Variants in CLDN10 observed in about 807,000 individuals in gnomAD.
CLDN10 encodes the protein claudin-10.
In CLDN10, 15 loss-of-function variants were observed where a neutral mutation model predicts 22.9. The ratio of observed to expected loss-of-function variants is 0.65; its 90% CI spans 0.44 to 1.01. The LOEUF is 1.01. CLDN10 is among the 50% of genes least tolerant of loss of function. The pLI is 0.00. For synonymous variants in CLDN10, 114 were observed against 111.4 expected, an observed-to-expected ratio of 1.02 and a Z score of -0.15; for missense variants, 247 against 287.8, an observed-to-expected ratio of 0.86 and a Z score of 1.03.
intron 1 of CLDN10, among the ~76,000 whole-genome samples, chr13:95,523,987 T>G (rs1379879358): frequency 6.6e-6 from 1 of 152,194 alleles, no homozygotes; most frequent in African/African-American, 2.4e-5. Flanking sequence ...AGAATTCTAA[T>G]TTCATTTAAC....
At chr13:95,471,453 A>ATATATATATTTTT (rs776857009) in intron 1 of CLDN10, among the ~76,000 whole-genome samples, 11 of 106,388 alleles carry the variant, frequency 1.0e-4, no homozygotes, top group African/African-American at 4.4e-4. Flanking sequence ...ATATATATAT[A>ATATATATATTTTT]TTTTTTTTTT....
chr13:95,471,308 G>T (rs1594541363), intron 1 of CLDN10, among the ~76,000 whole-genome samples: 1 of 151,606 alleles, frequency 6.6e-6, no homozygotes, highest in South Asian at 2.1e-4. Flanking sequence ...GCTTGTCACA[G>T]AACTCCAAGA....
At chr13:95,443,402 A>C (rs1890371) in intron 1 of CLDN10, among the ~76,000 whole-genome samples, 1,590 of 152,262 alleles carry the variant, frequency 0.01, 36 homozygotes, top group African/African-American at 0.036. Context: ...TGAACTGGGG[A>C]TTTGTTTTAA....
At chr13:95,550,912 A>G (rs1231673342), upstream of CLDN10, among the ~76,000 whole-genome samples, 2 of 139,918 alleles carry the variant, frequency 1.4e-5, no homozygotes, top group African/African-American at 5.4e-5. Flanking sequence ...TGACTTCATG[A>G]TCCGCCCGCC....
In CLDN10 at chr13:95,579,482, C is replaced by T. The variant is rs2043984823; in HGVS notation, c.*1468C>T. Reference sequence around the variant, plus strand: ...CAGAAAAAGAAATGAAAACAGAGAGCTTAAATAATTTGCCACAGTAATGTC... The same window carrying T: ...CAGAAAAAGAAATGAAAACAGAGAGTTTAAATAATTTGCCACAGTAATGTC... On this transcript the variant is annotated 3_prime_UTR_variant, in exon 5 of 5. Coordinates refer to ENST00000299339, the MANE Select transcript of CLDN10 (RefSeq NM_006984.5). 1 of 152,166 alleles carries T rather than the reference C, an allele frequency of 6.6e-6. No homozygotes were observed. The highest frequency in any genetic ancestry group is 1.5e-5 in the Non-Finnish European group (1 of 68,038). 9.4% of individuals were successfully genotyped at this position (152,166 alleles called of 1,614,324 possible).
At chr13:95,557,266 A>G (rs879866474) in intron 1 of CLDN10, among the ~76,000 whole-genome samples, 3 of 152,204 alleles carry the variant, frequency 2.0e-5, no homozygotes, top group Non-Finnish European at 4.4e-5. Flanking sequence ...GGCCTCCTTG[A>G]CTAGGTTTTT....
intron 1 of CLDN10, among the ~76,000 whole-genome samples, chr13:95,450,438 T>C (rs1455370091): frequency 2.0e-5 from 3 of 152,210 alleles, no homozygotes; most frequent in Non-Finnish European, 4.4e-5. Flanking sequence ...CTCGTGTTGC[T>C]CTGAGATGTC....
chr13:95,511,308 T>C (rs939659075), intron 1 of CLDN10, among the ~76,000 whole-genome samples: 3 of 152,080 alleles, frequency 2.0e-5, no homozygotes, highest in Middle Eastern at 3.4e-3. Context: ...GCAAAACCTA[T>C]GATAGAATGG....
chr13:95,449,025 C>T (rs887333853), intron 1 of CLDN10, among the ~76,000 whole-genome samples: 1 of 152,018 alleles, frequency 6.6e-6, no homozygotes, highest in African/African-American at 2.4e-5. Flanking sequence ...AGGCATGAAC[C>T]ACCGTGCCCC....
chr13:95,468,853 T>A (rs981511146), intron 1 of CLDN10, among the ~76,000 whole-genome samples: 2 of 152,194 alleles, frequency 1.3e-5, no homozygotes, highest in African/African-American at 4.8e-5. Flanking sequence ...AAACACATCA[T>A]GTGTTCTTAT....
intron 1 of CLDN10, among the ~76,000 whole-genome samples, chr13:95,470,395 G>C (rs183350952): frequency 6.6e-6 from 1 of 152,108 alleles, no homozygotes; most frequent in East Asian, 1.9e-4. Flanking sequence ...CCATAGGTGC[G>C]CACCATCATG....
intron 1 of CLDN10, among the ~76,000 whole-genome samples, chr13:95,536,475 A>G (rs914421636): frequency 6.6e-6 from 1 of 152,130 alleles, no homozygotes; most frequent in Non-Finnish European, 1.5e-5. Context: ...AAAATCATCC[A>G]AGGGACAATT....
chr13:95,462,909 A>C (rs2042547604), intron 1 of CLDN10, among the ~76,000 whole-genome samples: 1 of 152,204 alleles, frequency 6.6e-6, no homozygotes, highest in South Asian at 2.1e-4. Flanking sequence ...GAAGAAAAAC[A>C]ATCTACGGGC....
intron 3 of CLDN10, 114 bp downstream of exon 3, chr13:95,560,577 A>G: frequency 1.3e-6 from 1 of 760,338 alleles, no homozygotes; most frequent in Non-Finnish European, 2.2e-6. Context: ...CATACTGATA[A>G]ATGGTAACTG....
intron 1 of CLDN10, among the ~76,000 whole-genome samples, chr13:95,480,764 G>A (rs946228): frequency 0.49 from 73,886 of 152,058 alleles, 18,299 homozygotes; most frequent in Middle Eastern, 0.6. Flanking sequence ...CAGAACACAC[G>A]TTGAGAAATA....
At chr13:95,495,709 A>C (rs2042921792) in intron 1 of CLDN10, among the ~76,000 whole-genome samples, 1 of 144,264 alleles carries the variant, frequency 6.9e-6, no homozygotes, top group Non-Finnish European at 1.5e-5. Context: ...GCGCCACTGC[A>C]CTCTAGCCTG....
At chr13:95,448,778 C>T (rs963077939) in intron 1 of CLDN10, among the ~76,000 whole-genome samples, 2 of 120,734 alleles carry the variant, frequency 1.7e-5, no homozygotes, top group Non-Finnish European at 3.9e-5. Flanking sequence ...CTCTCTCTCT[C>T]GCCCAGTTTG....
At chr13:95,565,788 CT>C (rs1258602923) in intron 3 of CLDN10, among the ~76,000 whole-genome samples, 2 of 150,716 alleles carry the variant, frequency 1.3e-5, no homozygotes, top group South Asian at 4.2e-4. Flanking sequence ...CCCCCACCCC[CT>C]GACAGGCCCC....
chr13:95,577,551 G>C (rs976971116), intron 4 of CLDN10, among the ~76,000 whole-genome samples: 3 of 152,326 alleles, frequency 2.0e-5, no homozygotes. Flanking sequence ...TGAATATGAG[G>C]ACATGTTCTT....
Sources: allele counts gnomAD v4.1 joint callset (sites outside exome capture counted in the v4.1 genomes callset), GRCh38; gene constraint gnomAD v4.1.1; transcripts MANE v1.5; gene names NCBI Gene and HGNC (gene_info 2026-07-23, HGNC 2026-07-21).